The following ZNF723 variants were observed in gnomAD, a reference collection of about 807,000 sequenced individuals.
The protein encoded by ZNF723 is zinc finger protein 723, pseudogene.
A neutral mutation model predicts 9.4 loss-of-function variants in ZNF723; 5 were observed. The ratio of observed to expected loss-of-function variants is 0.53; its 90% confidence interval spans 0.28 to 1.12. The LOEUF (loss-of-function observed/expected upper bound fraction) is 1.12, where lower values mean the gene tolerates loss of function less well. ZNF723 is among the 50% of genes most tolerant of loss of function. The pLI is 0.10. For missense variants in ZNF723, 450 were observed against 501.5 expected (o/e 0.90, Z 0.98); for synonymous variants, 158 against 168.8 (o/e 0.94, Z 0.49).
the ZNF723 span, among the ~76,000 whole-genome samples, chr19:22,814,486 G>A: frequency 6.6e-6 from 1 of 152,170 alleles, no homozygotes. Context: ...GTCCACAGAT[G>A]TTTTGTTGAC....
chr19:22,857,298 G>T lies in ZNF723; in HGVS notation c.407G>T (p.Cys136Phe). 1.2e-6 allele frequency: 1 copy of T among 814,760 alleles called. No individual in the cohort carries two copies. Among genetic ancestry groups the T allele is most frequent in the Non-Finnish European group, 2.2e-6 (1 of 454,016 alleles). 50.5% of individuals were successfully genotyped at this position (814,760 alleles called of 1,614,324 possible). A position where few individuals can be genotyped will look rare whatever the true frequency, so the allele number is the denominator to read the frequency against. ...HKGGYDELKQ[C>F]LTTTPSKIFQ... is the part of the protein sequence containing the mutation. ...GGAGGTTATGATGAACTTAAGCAAT[G>T]TTTGACAACTACCCCGAGCAAAATA... The change falls in exon 4 of 4, where the codon TGT becomes TTT. Residue 136 changes from cysteine to phenylalanine, a missense_variant. Coordinates refer to ENST00000600766, the MANE Select transcript of ZNF723 (RefSeq NM_001349726.2).
chr19:22,837,785 T>C (rs1015965868), intron 1 of ZNF723, among the ~76,000 whole-genome samples: 3 of 152,134 alleles, frequency 2.0e-5, no homozygotes. Context: ...CCCTCAAAAA[T>C]TTAACCATGG....
chr19:22,822,644 C>T, the ZNF723 span, among the ~76,000 whole-genome samples: 2 of 152,102 alleles, frequency 1.3e-5, no homozygotes, highest in Non-Finnish European at 2.9e-5. Flanking sequence ...AGGCGGATCA[C>T]GAGGTCAGGA....
rs150016607 is a variant in ZNF723, at chr19:22,848,468, G to A, written c.130+81G>A. 3.1e-4 allele frequency: 333 copies of A among 1,076,402 alleles called. 3 individuals carry two copies. The East Asian group carries it at 8.1e-3, about 26-fold the overall frequency. 66.7% of individuals were successfully genotyped at this position (1,076,402 alleles called of 1,614,324 possible). ...TGTTGTAGAATGTTTTTTGGTAATTGATGCTTTGCATAAATGAGTTTCACA... is the reference window on the plus strand; with the variant it reads ...TGTTGTAGAATGTTTTTTGGTAATTAATGCTTTGCATAAATGAGTTTCACA... On this transcript the variant is annotated intron_variant, in intron 2 of 3. Coordinates refer to ENST00000600766, the MANE Select transcript of ZNF723 (RefSeq NM_001349726.2).
intron 1 of ZNF723, among the ~76,000 whole-genome samples, chr19:22,833,769 T>C (rs891830482): frequency 6.6e-6 from 1 of 150,770 alleles, no homozygotes; most frequent in Non-Finnish European, 1.5e-5. Flanking sequence ...CCACCACGCC[T>C]GGCTATTTTT....
At chr19:22,830,763 T>TTTTTTC (rs1457773096), upstream of ZNF723, among the ~76,000 whole-genome samples, 2 of 152,100 alleles carry the variant, frequency 1.3e-5, no homozygotes, top group Non-Finnish European at 2.9e-5. Flanking sequence ...CAATTTTTCT[T>TTTTTTC]TTTTTCTTTT....
At position 22,848,248 on chromosome 19, in the gene ZNF723, G is replaced by GT. The variant is rs991686860; in HGVS notation, c.4-4dup. 4.6e-3 allele frequency: 4,184 copies of GT among 914,104 alleles called. No individual in the cohort carries two copies. The highest frequency in any genetic ancestry group is 6.8e-3 in the South Asian group (397 of 58,690). The allele number at this position is 914,104 out of a possible 1,614,324, so 56.6% of individuals were successfully genotyped here. On this transcript the variant is annotated splice_polypyrimidine_tract_variant and intron_variant, in intron 1 of 3. Coordinates refer to ENST00000600766, the MANE Select transcript of ZNF723 (RefSeq NM_001349726.2). The stretch of plus-strand genomic sequence containing the variant: ...TAAATATGTGTGTATGTGTGTGTGT[G>GT]TTTTTTTTTCAGGGACCATTGACAT...
the ZNF723 span, among the ~76,000 whole-genome samples, chr19:22,815,753 TAAA>T: frequency 6.6e-6 from 1 of 152,150 alleles, no homozygotes; most frequent in East Asian, 1.9e-4. Flanking sequence ...GTAAAGGCCA[TAAA>T]GGATTACTGT....
intron 1 of ZNF723, among the ~76,000 whole-genome samples, chr19:22,843,551 T>C (rs909255536): frequency 6.6e-6 from 1 of 152,168 alleles, no homozygotes; most frequent in Non-Finnish European, 1.5e-5. Flanking sequence ...GATGAAGCAG[T>C]CATCCAGGAA....
intron 3 of ZNF723, among the ~76,000 whole-genome samples, chr19:22,853,940 T>A (rs1967433592): frequency 6.6e-6 from 1 of 152,172 alleles, no homozygotes; most frequent in African/African-American, 2.4e-5. Flanking sequence ...AGGGTGTGTA[T>A]CCTGATGTTG....
chr19:22,817,556 C>T, the ZNF723 span, among the ~76,000 whole-genome samples: 71 of 152,172 alleles, frequency 4.7e-4, no homozygotes, highest in Middle Eastern at 0.014. Context: ...GGGCCCAGCA[C>T]TGAGGTGATG....
chr19:22,841,860 C>T (rs1967249901), intron 1 of ZNF723, among the ~76,000 whole-genome samples: 1 of 152,086 alleles, frequency 6.6e-6, no homozygotes, highest in Non-Finnish European at 1.5e-5. Flanking sequence ...AATTCTGAAT[C>T]TAGGTCTTGA....
chr19:22,827,574 A>C (rs939258784), upstream of ZNF723, among the ~76,000 whole-genome samples: 1 of 151,946 alleles, frequency 6.6e-6, no homozygotes, highest in African/African-American at 2.4e-5. Context: ...CAGCCTCCAG[A>C]GTGGCTGGGA....
the ZNF723 span, among the ~76,000 whole-genome samples, chr19:22,826,188 ACT>A: frequency 6.6e-6 from 1 of 151,768 alleles, no homozygotes; most frequent in Admixed American, 6.6e-5. Flanking sequence ...AGGTGATGTG[ACT>A]CTCTTGCCTG....
chr19:22,855,221 A>G (rs8105614), intron 3 of ZNF723, among the ~76,000 whole-genome samples: 31,109 of 148,938 alleles, frequency 0.21, 3,881 homozygotes, highest in African/African-American at 0.35. Flanking sequence ...TTATATGATT[A>G]TGTGTTTTCT....
At chr19:22,826,062 C>A in the ZNF723 span, among the ~76,000 whole-genome samples, 1 of 152,208 alleles carries the variant, frequency 6.6e-6, no homozygotes, top group Admixed American at 6.5e-5. Flanking sequence ...TCTGCCTGTG[C>A]TTTACCCACA....
chr19:22,858,630 G>C lies in ZNF723; in HGVS notation c.*197G>C, dbSNP rs1019822007. 1 of 390,542 alleles carries C rather than the reference G, an allele frequency of 2.6e-6. No homozygotes were observed. Among genetic ancestry groups the C allele is most frequent in the Non-Finnish European group, 4.5e-6 (1 of 222,122 alleles). The allele number at this position is 390,542 out of a possible 1,614,324, so 24.2% of individuals were successfully genotyped here. On this transcript the variant is annotated 3_prime_UTR_variant, in exon 4 of 4. Coordinates refer to ENST00000600766, the MANE Select transcript of ZNF723 (RefSeq NM_001349726.2). ...ATACAAAAAAAATTAGCCGGGTGTA[G>C]TGGTGGGCGCCTGTAATCCCAGCTA...
chr19:22,849,969 T>C (rs1052759229), intron 3 of ZNF723, among the ~76,000 whole-genome samples: 2 of 152,164 alleles, frequency 1.3e-5, no homozygotes, highest in African/African-American at 4.8e-5. Context: ...TTTCTTGTTT[T>C]ATCGTGTTTA....
At chr19:22,834,162 C>T (rs578094737) in intron 1 of ZNF723, among the ~76,000 whole-genome samples, 8 of 152,142 alleles carry the variant, frequency 5.3e-5, no homozygotes, top group Non-Finnish European at 1.2e-4. Flanking sequence ...GTGATCTGCC[C>T]GCCTTAGCCT....
Sources: gnomAD v4.1 joint callset for allele counts (sites outside exome capture counted in the v4.1 genomes callset) on GRCh38, gnomAD v4.1.1 for gene constraint, MANE v1.5 for transcripts, NCBI Gene and HGNC (gene_info 2026-07-23, HGNC 2026-07-21) for gene names.